The following RBM28 variants were observed in gnomAD, a reference collection of about 807,000 sequenced individuals.
The protein encoded by RBM28 is RNA-binding protein 28.
In RBM28, 78 loss-of-function variants were observed where a neutral mutation model predicts 98.3. That is an observed-to-expected ratio of 0.79 (90% CI 0.66 to 0.96). The LOEUF is 0.96. RBM28 is among the 40% of genes least tolerant of loss of function. The pLI is 0.00. For synonymous variants in RBM28, 306 were observed against 330.9 expected, an observed-to-expected ratio of 0.92 and a Z score of 0.82; for missense variants, 838 against 913.0, an observed-to-expected ratio of 0.92 and a Z score of 1.06.
intron 9 of RBM28, among the ~76,000 whole-genome samples, chr7:128,331,270 T>C (rs1274824193): frequency 1.3e-5 from 2 of 150,220 alleles, no homozygotes; most frequent in African/African-American, 4.9e-5. Flanking sequence ...TGTATACATA[T>C]AAAATTTTAA....
rs919324234 is a variant in RBM28, at chr7:128,335,575, C to T, written c.914G>A (p.Ser305Asn). The T allele has an allele frequency of 6.2e-6, 10 of 1,614,196 alleles. No homozygotes were observed. Among genetic ancestry groups the T allele is most frequent in the Non-Finnish European group, 8.5e-6 (10 of 1,180,028 alleles). ...SIDDGEELAQ[S>N]DTSTEEQEDK... ...CTCTTGCTCCTCAGTGCTGGTATCA[C>T]TCTGAGCCAGTTCCTCTCCATCATC... The change falls in exon 8 of 19, where the codon AGT (serine) becomes AAT (asparagine). Residue 305 changes from serine to asparagine, a missense_variant. Ser to Asn is a conservative substitution (Grantham distance 46). Transcript: ENST00000223073.
intron 16 of RBM28, among the ~76,000 whole-genome samples, chr7:128,317,104 A>AT (rs1425762717): frequency 6.6e-6 from 1 of 152,214 alleles, no homozygotes; most frequent in Non-Finnish European, 1.5e-5. Flanking sequence ...AGTCCTCAGC[A>AT]ATCATGTGAG....
chr7:128,317,569 G>T, intron 16 of RBM28, 90 bp downstream of exon 16: 2 of 1,026,024 alleles, frequency 1.9e-6, no homozygotes. Context: ...CCTAACTGAG[G>T]GGAGAACTAC....
rs925366115 is a variant in RBM28 at position 128,298,335 on chromosome 7, A to C, written c.*12462T>G. 1 of 152,144 alleles carries C rather than the reference A, an allele frequency of 6.6e-6. No individual in the cohort carries two copies. The highest frequency in any genetic ancestry group is 1.5e-5 in the Non-Finnish European group (1 of 68,034). The allele number at this position is 152,144 out of a possible 1,614,324, so 9.4% of individuals were successfully genotyped here. A position where few individuals can be genotyped will look rare whatever the true frequency, so the allele number is the denominator to read the frequency against. ...TAAAAAACTTGCTGGTTTGAGGCTC[A>C]GGTGGGCATCACAGTCCTACTGATA... On this transcript the variant is annotated 3_prime_UTR_variant, in exon 19 of 19. Transcript: ENST00000223073.
At position 128,324,669 on chromosome 7, in the gene RBM28, C is replaced by T. The variant is rs1352633151; in HGVS notation, c.1229G>A (p.Arg410Gln). The change falls in exon 12 of 19, where the codon CGG (arginine) becomes CAG (glutamine). Residue 410 changes from arginine to glutamine, a missense_variant. Arg to Gln is a conservative substitution (Grantham distance 43, BLOSUM62 1). Transcript: ENST00000223073. ...NEAGGLKLDG[R>Q]QLKVDLAVTR... Reference sequence around the variant, plus strand: ...CACCGCCAAGTCAACCTTGAGCTGCCGGCCATCCAGTTTAAGCCCACCAGC... The same window carrying T: ...CACCGCCAAGTCAACCTTGAGCTGCTGGCCATCCAGTTTAAGCCCACCAGC... 8.1e-6 allele frequency: 13 copies of T among 1,614,030 alleles called. No homozygotes were observed. The highest frequency in any genetic ancestry group is 6.6e-5 in the South Asian group (6 of 91,086).
chr7:128,338,017 T>C, intron 5 of RBM28, among the ~76,000 whole-genome samples: 1 of 152,164 alleles, frequency 6.6e-6, no homozygotes, highest in East Asian at 1.9e-4. Flanking sequence ...CATTTTTCAC[T>C]AGGGATTTAA....
At chr7:128,317,094 A>G (rs1465452909) in intron 16 of RBM28, among the ~76,000 whole-genome samples, 1 of 152,228 alleles carries the variant, frequency 6.6e-6, no homozygotes, top group Non-Finnish European at 1.5e-5. Context: ...TATCTCATTT[A>G]GTCCTCAGCA....
chr7:128,342,634 T>C (rs369012944), intron 1 of RBM28, among the ~76,000 whole-genome samples: 2 of 151,976 alleles, frequency 1.3e-5, no homozygotes, highest in African/African-American at 4.8e-5. Context: ...TGAGCGGAGA[T>C]CGTGGCACTG....
intron 10 of RBM28, among the ~76,000 whole-genome samples, chr7:128,329,830 A>G (rs949296897): frequency 1.5e-5 from 2 of 135,804 alleles, no homozygotes; most frequent in African/African-American, 5.5e-5. Context: ...CGGAGCTTGC[A>G]GTGAGCCGAG....
Position 128,343,875 on chromosome 7 carries a change from C to G in RBM28, c.-82G>C. Reference sequence around the variant, plus strand: ...AGCCGAAACGCTGGCTTTGGTAGGACAACCAAGCTCACACGCCGAGAGATT... The same window carrying G: ...AGCCGAAACGCTGGCTTTGGTAGGAGAACCAAGCTCACACGCCGAGAGATT... On this transcript the variant is annotated 5_prime_UTR_variant, in exon 1 of 19. Coordinates refer to ENST00000223073, the MANE Select transcript of RBM28 (RefSeq NM_018077.3). 1 of 946,120 alleles carries G rather than the reference C, an allele frequency of 1.1e-6. No individual in the cohort carries two copies. The highest frequency in any genetic ancestry group is 1.7e-5 in the South Asian group (1 of 58,790). 58.6% of individuals were successfully genotyped at this position (946,120 alleles called of 1,614,324 possible).
chr7:128,313,164 G>C lies in RBM28; in HGVS notation c.2145+11C>G, dbSNP rs773760911. The C allele has an allele frequency of 2.5e-6, 4 of 1,610,054 alleles. No individual in the cohort carries two copies. In the African/African-American group the frequency reaches 5.3e-5, roughly 22 times the overall value. Reference sequence around the variant, plus strand: ...ATGCCATACCAAAGCTGTATGTCCTGCAGAACTCACCTGCTCGGACGATAA... The same window carrying C: ...ATGCCATACCAAAGCTGTATGTCCTCCAGAACTCACCTGCTCGGACGATAA... On this transcript the variant is annotated intron_variant, in intron 18 of 18. Coordinates refer to ENST00000223073, the MANE Select transcript of RBM28 (RefSeq NM_018077.3).
intron 8 of RBM28, 40 bp from the exon 9 acceptor site, chr7:128,333,402 T>C (rs751606234): frequency 5.4e-6 from 8 of 1,472,356 alleles, no homozygotes; most frequent in Admixed American, 3.4e-5. Flanking sequence ...AAGAGATTAG[T>C]GTAAGCCACA....
At chr7:128,324,966 C>T (rs1255183829) in intron 11 of RBM28, among the ~76,000 whole-genome samples, 5 of 151,710 alleles carry the variant, frequency 3.3e-5, no homozygotes, top group Non-Finnish European at 4.4e-5. Flanking sequence ...GCGGACATCG[C>T]GCAACTACAC....
At chr7:128,321,166 A>C (rs527405411) in intron 14 of RBM28, 100 bp downstream of exon 14, 133 of 1,533,654 alleles carry the variant, frequency 8.7e-5, no homozygotes, top group Middle Eastern at 6.7e-4. Context: ...ACTTCGTCTC[A>C]AAACAAACAA....
chr7:128,325,460 C>G (rs1236143180), intron 11 of RBM28, among the ~76,000 whole-genome samples: 1 of 152,212 alleles, frequency 6.6e-6, no homozygotes, highest in Non-Finnish European at 1.5e-5. Context: ...CACACACATT[C>G]TCTCTCAAAC....
intron 9 of RBM28, among the ~76,000 whole-genome samples, chr7:128,332,821 C>T (rs1320007724): frequency 6.6e-6 from 1 of 152,140 alleles, no homozygotes; most frequent in African/African-American, 2.4e-5. Context: ...AGCTAAAACA[C>T]AACAGCAACA....
At position 128,332,479 on chromosome 7, in the gene RBM28, C is replaced by T. The variant is rs112610116; in HGVS notation, c.1019+811G>A. ...AGTGATTCTCGTGCCTCAGGCCTCC[C>T]GAGTAGCTGGGATTACAGGCACACA... On this transcript the variant is annotated intron_variant, in intron 9 of 18. Coordinates refer to ENST00000223073, the MANE Select transcript of RBM28 (RefSeq NM_018077.3). 5.8e-3 allele frequency among the ~76,000 whole-genome samples: 878 copies of T among 152,032 alleles called. 10 individuals carry two copies. Among genetic ancestry groups the T allele is most frequent in the African/African-American group, 0.02 (815 of 41,450 alleles).
chr7:128,314,156 GT>G (rs1796053891), intron 17 of RBM28, among the ~76,000 whole-genome samples: 1 of 152,060 alleles, frequency 6.6e-6, no homozygotes, highest in African/African-American at 2.4e-5. Flanking sequence ...TAGAGACGGG[GT>G]TTCAGCATGT....
rs1275761991 is a variant in RBM28 at position 128,339,236 on chromosome 7, C to T, written c.363G>A (p.Leu121=). The part of the protein sequence containing the change: ...DKKARLIIRN[L]SFKCSEDDLK... ...TTTCTCTCTCACTTACCTTAAAGCT[C>T]AGGTTCCGAATAATTAATCTGGCTT... is the stretch of plus-strand genomic sequence containing the variant. The change falls in exon 3 of 19, where the codon CTG becomes CTA. Residue 121 remains leucine, a synonymous_variant. Transcript: ENST00000223073. 1.9e-6 allele frequency: 3 copies of T among 1,610,538 alleles called. No individual in the cohort carries two copies. The highest frequency in any genetic ancestry group is 2.5e-6 in the Non-Finnish European group (3 of 1,176,744).
Sources: allele counts gnomAD v4.1 joint callset (sites outside exome capture counted in the v4.1 genomes callset), GRCh38; gene constraint gnomAD v4.1.1; transcripts MANE v1.5; gene names NCBI Gene and HGNC (gene_info 2026-07-23, HGNC 2026-07-21).